THRB: variants seen among roughly 807,000 people sequenced by gnomAD.
THRB encodes the protein nuclear receptor subfamily 1 group A member 2.
In THRB, 12 loss-of-function variants were observed where a neutral mutation model predicts 47.8. That is an observed-to-expected ratio of 0.25 (90% CI 0.16 to 0.41). The LOEUF (loss-of-function observed/expected upper bound fraction) is 0.41. Ranked by LOEUF, THRB falls within the 10% of genes least tolerant of loss-of-function variation. The pLI, the probability that THRB is intolerant of heterozygous loss-of-function variation, is 1.00. For synonymous variants in THRB, 218 were observed against 212.2 expected, an observed-to-expected ratio of 1.03 and a Z score of -0.24; for missense variants, 348 against 589.2, an observed-to-expected ratio of 0.59 and a Z score of 4.24.
At chr3:24,403,127 G>A (rs2067549080) in intron 1 of THRB, among the ~76,000 whole-genome samples, 4 of 151,956 alleles carry the variant, frequency 2.6e-5, no homozygotes, top group African/African-American at 9.7e-5. Flanking sequence ...AAAACAGAAT[G>A]TCATAACATT....
At chr3:24,369,970 G>C (rs2064780495) in intron 1 of THRB, among the ~76,000 whole-genome samples, 1 of 152,096 alleles carries the variant, frequency 6.6e-6, no homozygotes, top group Non-Finnish European at 1.5e-5. Flanking sequence ...ACATAACTAG[G>C]AGTCCTCCAA....
intron 4 of THRB, among the ~76,000 whole-genome samples, chr3:24,211,649 G>C (rs996816859): frequency 7.2e-5 from 11 of 152,136 alleles, no homozygotes; most frequent in Non-Finnish European, 4.4e-5. Flanking sequence ...CTTCTAAAAT[G>C]AGAAGGCTTA....
intron 1 of THRB, among the ~76,000 whole-genome samples, chr3:24,454,930 A>T (rs1237150166): frequency 6.6e-6 from 1 of 152,076 alleles, no homozygotes; most frequent in Non-Finnish European, 1.5e-5. Context: ...TTTCAACAGC[A>T]CCATAGAAAA....
Position 24,224,053 on chromosome 3 carries a change from C to T in THRB, c.22+4885G>A, listed in dbSNP as rs192410742. Among the ~76,000 whole-genome samples the T allele has an allele frequency of 3.8e-4, 58 of 152,270 alleles. 1 individual carries two copies. Among genetic ancestry groups the T allele is most frequent in the African/African-American group, 1.4e-3 (57 of 41,560 alleles). ...TGGAGGGTATATACTTAAATGGAGG[C>T]TGAACTGCTGTTGGATGTCTCAATT... is the stretch of plus-strand genomic sequence containing the variant. On this transcript the variant is annotated intron_variant, in intron 4 of 10. Transcript: ENST00000646209.
At chr3:24,230,478 T>C (rs918680137) in intron 3 of THRB, among the ~76,000 whole-genome samples, 5 of 152,184 alleles carry the variant, frequency 3.3e-5, no homozygotes, top group East Asian at 3.9e-4. Context: ...GCTAGGAAAA[T>C]GCATTCTTGC....
chr3:24,406,032 T>C (rs980756158), intron 1 of THRB, among the ~76,000 whole-genome samples: 2 of 151,746 alleles, frequency 1.3e-5, no homozygotes, highest in African/African-American at 4.8e-5. Context: ...GACTAACAAG[T>C]ACACTTTGAT....
chr3:24,321,130 T>G (rs1337006346), intron 2 of THRB, among the ~76,000 whole-genome samples: 1 of 152,186 alleles, frequency 6.6e-6, no homozygotes, highest in Non-Finnish European at 1.5e-5. Context: ...CCATGAACCT[T>G]ATCAAAGTGA....
chr3:24,121,053 T>G lies in THRB; in HGVS notation c.*1831A>C, dbSNP rs1212363431. ...CGAGCCAATAACAAATTTACGTTCC[T>G]TAACTGTTAAGTGGGCCATACTTCT... On this transcript the variant is annotated 3_prime_UTR_variant, in exon 11 of 11. Transcript: ENST00000646209. 1 of 152,240 alleles carries G rather than the reference T, an allele frequency of 6.6e-6. No homozygotes were observed. The highest frequency in any genetic ancestry group is 2.4e-5 in the African/African-American group (1 of 41,472). 9.4% of individuals were successfully genotyped at this position (152,240 alleles called of 1,614,324 possible). A position where few individuals can be genotyped will look rare whatever the true frequency, so the allele number is the denominator to read the frequency against.
chr3:24,427,449 T>G (rs936823338), intron 1 of THRB, among the ~76,000 whole-genome samples: 1 of 152,062 alleles, frequency 6.6e-6, no homozygotes, highest in South Asian at 2.1e-4. Context: ...TAGTAACCAG[T>G]TAACGTAGCT....
intron 4 of THRB, among the ~76,000 whole-genome samples, chr3:24,203,778 G>A (rs531680892): frequency 1.3e-4 from 20 of 152,312 alleles, no homozygotes; most frequent in African/African-American, 3.6e-4. Context: ...TGTGACAGAC[G>A]GCACCTGGAA....
rs190064325 is a variant in THRB at position 24,180,501 on chromosome 3, T to C, written c.283+9573A>G. Among the ~76,000 whole-genome samples, 562 of 152,352 alleles carry C rather than the reference T, an allele frequency of 3.7e-3. 4 individuals are homozygous for C. Among genetic ancestry groups the C allele is most frequent in the African/African-American group, 0.012 (499 of 41,578 alleles). ...TATAAGCCCATACTGACAAATGTCA[T>C]GGGGACAGAGGTTCACAATATATAA... is the stretch of plus-strand genomic sequence containing the variant. On this transcript the variant is annotated intron_variant, in intron 5 of 10. Transcript: ENST00000646209.
chr3:24,183,992 G>A (rs1255386800), intron 5 of THRB, among the ~76,000 whole-genome samples: 1 of 151,822 alleles, frequency 6.6e-6, no homozygotes, highest in Non-Finnish European at 1.5e-5. Context: ...TTCTTATTCC[G>A]CCCTTTTCTA....
chr3:24,371,614 G>C (rs767834953), intron 1 of THRB, among the ~76,000 whole-genome samples: 1 of 152,018 alleles, frequency 6.6e-6, no homozygotes, highest in Non-Finnish European at 1.5e-5. Context: ...TAATGTCAAA[G>C]ACTGTCTAGC....
intron 1 of THRB, among the ~76,000 whole-genome samples, chr3:24,352,506 G>T (rs1288899716): frequency 6.6e-6 from 1 of 152,146 alleles, no homozygotes; most frequent in African/African-American, 2.4e-5. Flanking sequence ...AGCCAAAAAT[G>T]CAGTCTAAGA....
At chr3:24,244,779 C>A in intron 3 of THRB, among the ~76,000 whole-genome samples, 1 of 152,092 alleles carries the variant, frequency 6.6e-6, no homozygotes, top group Non-Finnish European at 1.5e-5. Flanking sequence ...ATCTTCCTCC[C>A]GAGAACTCAC....
intron 2 of THRB, among the ~76,000 whole-genome samples, chr3:24,319,800 G>C (rs1025362150): frequency 1.3e-5 from 2 of 152,224 alleles, no homozygotes; most frequent in African/African-American, 2.4e-5. Flanking sequence ...ATAAAATTCA[G>C]AGAATGGGTC....
intron 1 of THRB, among the ~76,000 whole-genome samples, chr3:24,339,763 C>T (rs2149446286): frequency 6.6e-6 from 1 of 152,276 alleles, no homozygotes; most frequent in Non-Finnish European, 1.5e-5. Context: ...ATTTTCAGTT[C>T]TTCTCTTTAG....
intron 5 of THRB, among the ~76,000 whole-genome samples, chr3:24,178,102 A>G (rs1008381736): frequency 6.6e-6 from 1 of 152,210 alleles, no homozygotes; most frequent in Non-Finnish European, 1.5e-5. Context: ...CCTTTAGAGC[A>G]TTGAATAGCT....
At chr3:24,182,062 G>A (rs887522696) in intron 5 of THRB, among the ~76,000 whole-genome samples, 2 of 152,130 alleles carry the variant, frequency 1.3e-5, no homozygotes, top group Non-Finnish European at 1.5e-5. Flanking sequence ...TTAGCCGGGC[G>A]TGGTGGCGGG....
Sources: gnomAD v4.1 joint callset for allele counts (sites outside exome capture counted in the v4.1 genomes callset) on GRCh38, gnomAD v4.1.1 for gene constraint, MANE v1.5 for transcripts, NCBI Gene and HGNC (gene_info 2026-07-23, HGNC 2026-07-21) for gene names.